The following MMAA variants were observed in gnomAD, a reference collection of about 807,000 sequenced individuals.
The protein encoded by MMAA is metabolism of cobalamin associated A.
MMAA carries 41 observed loss-of-function variants against 45.0 expected under a neutral mutation model. The ratio of observed to expected loss-of-function variants is 0.91; its 90% CI spans 0.71 to 1.18. The LOEUF (loss-of-function observed/expected upper bound fraction) is 1.18. Among genes scored for constraint, MMAA ranks in the 50% most tolerant of loss-of-function variants. MMAA has a pLI of 0.00. For missense variants in MMAA, 460 were observed against 495.7 expected, an observed-to-expected ratio of 0.93 and a Z score of 0.68; for synonymous variants, 154 against 178.2, an observed-to-expected ratio of 0.86 and a Z score of 1.08.
chr4:145,647,232 G>A (rs1185384434), intron 4 of MMAA, among the ~76,000 whole-genome samples: 1 of 152,128 alleles, frequency 6.6e-6, no homozygotes, highest in African/African-American at 2.4e-5. Flanking sequence ...GAAGGAAGGG[G>A]AATTGCAGAT....
chr4:145,636,531 GT>G (rs2126615113), intron 1 of MMAA, among the ~76,000 whole-genome samples: 1 of 152,320 alleles, frequency 6.6e-6, no homozygotes, highest in East Asian at 1.9e-4. Flanking sequence ...CCTATCAGTA[GT>G]TCCATATACC....
chr4:145,626,977 T>C (rs1734217455), intron 1 of MMAA, among the ~76,000 whole-genome samples: 1 of 152,222 alleles, frequency 6.6e-6, no homozygotes, highest in Non-Finnish European at 1.5e-5. Context: ...AGTAAGATGG[T>C]ATCATCCTTT....
Position 145,657,330 on chromosome 4 carries a change from T to A in MMAA, c.*1896T>A, listed in dbSNP as rs982144743. ...TCTAAGAGATTTTTTCACCTCTGTT[T>A]CTGTTATTTGCTATACTGGAGGTAA... On this transcript the variant is annotated 3_prime_UTR_variant, in exon 7 of 7. Coordinates refer to ENST00000649156, the MANE Select transcript of MMAA (RefSeq NM_172250.3). The A allele has an allele frequency of 6.6e-6, 1 of 152,140 alleles. No homozygotes were observed. Among genetic ancestry groups the A allele is most frequent in the Non-Finnish European group, 1.5e-5 (1 of 68,032 alleles). The allele number at this position is 152,140 out of a possible 1,614,324, so 9.4% of individuals were successfully genotyped here.
intron 1 of MMAA, among the ~76,000 whole-genome samples, chr4:145,622,777 G>A (rs1373504853): frequency 6.6e-6 from 1 of 152,104 alleles, no homozygotes; most frequent in Non-Finnish European, 1.5e-5. Context: ...AACTGGAAAG[G>A]CTCCTTACAT....
At chr4:145,623,786 G>A (rs1425995217) in intron 1 of MMAA, among the ~76,000 whole-genome samples, 3 of 152,160 alleles carry the variant, frequency 2.0e-5, no homozygotes, top group South Asian at 2.1e-4. Flanking sequence ...AATACACTTC[G>A]ATTACAGAAA....
Position 145,627,342 on chromosome 4 carries a change from AC to A in MMAA, c.-66+7936del, listed in dbSNP as rs561535889. On this transcript the variant is annotated intron_variant, in intron 1 of 6. Transcript: ENST00000649156. Reference sequence around the variant, plus strand: ...AAGGTGTCTTGATTCAAAACAGGAAACTTAGAAGGCAAAATGTTTTAGTAAA... The same window carrying A: ...AAGGTGTCTTGATTCAAAACAGGAAATTAGAAGGCAAAATGTTTTAGTAAA... 7.9e-5 allele frequency among the ~76,000 whole-genome samples: 12 copies of A among 152,340 alleles called. 1 individual carries two copies. The South Asian group carries it at 2.3e-3, about 29-fold the overall frequency.
chr4:145,635,358 C>A (rs1449404169), intron 1 of MMAA, among the ~76,000 whole-genome samples: 1 of 152,100 alleles, frequency 6.6e-6, no homozygotes, highest in African/African-American at 2.4e-5. Context: ...TATAACAGGG[C>A]GGCACTGAGT....
intron 2 of MMAA, among the ~76,000 whole-genome samples, chr4:145,641,228 C>T (rs896461121): frequency 6.6e-6 from 1 of 152,154 alleles, no homozygotes; most frequent in Non-Finnish European, 1.5e-5. Flanking sequence ...GACAAAGTGC[C>T]TACTTACTAA....
rs1728224396 is a variant in MMAA, at chr4:145,656,196, A to G, written c.*762A>G. On this transcript the variant is annotated 3_prime_UTR_variant, in exon 7 of 7. Transcript: ENST00000649156. ...GGATTATTCAGTTTGAAGACTACCA[A>G]AGGCTTTTGCTTCTCTTCTTCCTTG... The G allele has an allele frequency of 1.3e-5, 2 of 152,318 alleles. 1 individual carries two copies. The allele number at this position is 152,318 out of a possible 1,614,324, so 9.4% of individuals were successfully genotyped here. A position where few individuals can be genotyped will look rare whatever the true frequency, so the allele number is the denominator to read the frequency against.
rs1553958159 is a variant in MMAA, at chr4:145,642,473, T to TG, written c.551dup (p.Cys184TrpfsTer3). ...TGTGCTAGCTGTGGACCCTTCTTCT[T>TG]GTACTAGTGGTGGTAAGTATGGCTG... On this transcript the variant is annotated frameshift_variant, in exon 3 of 7. Coordinates refer to ENST00000649156, the MANE Select transcript of MMAA (RefSeq NM_172250.3). LOFTEE classifies it high-confidence loss of function. 3.1e-6 allele frequency: 5 copies of TG among 1,614,184 alleles called. No homozygotes were observed. Among genetic ancestry groups the TG allele is most frequent in the Non-Finnish European group, 4.2e-6 (5 of 1,180,014 alleles).
chr4:145,634,335 A>T (rs1578874373), intron 1 of MMAA, among the ~76,000 whole-genome samples: 1 of 152,186 alleles, frequency 6.6e-6, no homozygotes, highest in South Asian at 2.1e-4. Flanking sequence ...TCACCCCATG[A>T]CTGCCACTGC....
At chr4:145,653,924 C>A in intron 5 of MMAA, 70 bp from the exon 6 acceptor site, 1 of 1,524,122 alleles carries the variant, frequency 6.6e-7, no homozygotes, top group South Asian at 1.1e-5. Context: ...GTATGACTTT[C>A]AAAATCTGAG....
chr4:145,641,331 A>G lies in MMAA; in HGVS notation c.440-1032A>G, dbSNP rs17020477. Among the ~76,000 whole-genome samples the G allele has an allele frequency of 7.5e-3, 1,140 of 152,322 alleles. 42 individuals carry two copies. In the East Asian group the frequency reaches 0.098, roughly 13 times the overall value. On this transcript the variant is annotated intron_variant, in intron 2 of 6. Transcript: ENST00000649156. ...TTTGTAGTGCTATTCCAGTTCTTCC[A>G]TCTTGATCTTATGAGGCCAGATAAA...
Position 145,639,322 on chromosome 4 carries a change from A to G in MMAA, c.183A>G (p.Leu61=). ...AGTGGATGCTGCTGTCAGATGGCTT[A>G]AAGAGAAAATTATGTGTACAAACAA... is the stretch of plus-strand genomic sequence containing the variant. ...CTKWMLLSDG[L]KRKLCVQTTL... is the part of the protein sequence containing the mutation. The change falls in exon 2 of 7, where the codon TTA becomes TTG. Residue 61 remains leucine, a synonymous_variant. Coordinates refer to ENST00000649156, the MANE Select transcript of MMAA (RefSeq NM_172250.3). 1 of 1,614,204 alleles carries G rather than the reference A, an allele frequency of 6.2e-7. No individual in the cohort carries two copies. The highest frequency in any genetic ancestry group is 1.1e-5 in the South Asian group (1 of 91,078).
At chr4:145,628,481 T>C (rs1298524933) in intron 1 of MMAA, among the ~76,000 whole-genome samples, 1 of 152,204 alleles carries the variant, frequency 6.6e-6, no homozygotes, top group Non-Finnish European at 1.5e-5. Flanking sequence ...TTCATGGCCC[T>C]TTTACTTCAT....
chr4:145,627,488 G>A (rs1280203830), intron 1 of MMAA, among the ~76,000 whole-genome samples: 1 of 152,294 alleles, frequency 6.6e-6, no homozygotes, highest in East Asian at 1.9e-4. Context: ...GAAGGTTACT[G>A]TGTGCCAGGC....
chr4:145,630,803 C>T (rs1162817463), intron 1 of MMAA, among the ~76,000 whole-genome samples: 1 of 152,006 alleles, frequency 6.6e-6, no homozygotes, highest in Non-Finnish European at 1.5e-5. Flanking sequence ...ATAAACTTCC[C>T]TCTTAGTACT....
At chr4:145,619,520 G>C (rs1234696616) in intron 1 of MMAA, 113 bp downstream of exon 1, 1 of 152,260 alleles carries the variant, frequency 6.6e-6, no homozygotes, top group Non-Finnish European at 1.5e-5. Flanking sequence ...TGGAGGATTT[G>C]GGGTGGGGGA....
In MMAA at chr4:145,655,898, G is replaced by A. The variant is rs1026066167; in HGVS notation, c.*464G>A. 3 of 153,480 alleles carry A rather than the reference G, an allele frequency of 2.0e-5. No individual in the cohort carries two copies. The highest frequency in any genetic ancestry group is 4.3e-5 in the Non-Finnish European group (3 of 69,024). 9.5% of individuals were successfully genotyped at this position (153,480 alleles called of 1,614,324 possible). ...ATCATAATTGACATTTAGTGTACCAGATTATTCTAAGAATTTCTGAAATTA... is the reference window on the plus strand; with the variant it reads ...ATCATAATTGACATTTAGTGTACCAAATTATTCTAAGAATTTCTGAAATTA... On this transcript the variant is annotated 3_prime_UTR_variant, in exon 7 of 7. Coordinates refer to ENST00000649156, the MANE Select transcript of MMAA (RefSeq NM_172250.3).
Sources: allele counts gnomAD v4.1 joint callset (sites outside exome capture counted in the v4.1 genomes callset), GRCh38; gene constraint gnomAD v4.1.1; transcripts MANE v1.5; gene names NCBI Gene and HGNC (gene_info 2026-07-23, HGNC 2026-07-21).